The following TMEM74 variants were observed in gnomAD, a reference collection of about 807,000 sequenced individuals.
The protein encoded by TMEM74 is transmembrane protein 74.
Under a neutral mutation model 18.1 loss-of-function variants are expected in TMEM74, and 13 were observed. The ratio of observed to expected loss-of-function variants is 0.72; its 90% confidence interval spans 0.47 to 1.14. TMEM74 has a LOEUF of 1.14. Among genes scored for constraint, TMEM74 ranks in the 50% most tolerant of loss-of-function variants. The pLI, the probability that TMEM74 is intolerant of heterozygous loss-of-function variation, is 0.00. For synonymous variants in TMEM74, 159 were observed against 146.6 expected (o/e 1.08, Z -0.61); for missense variants, 372 against 375.9 (o/e 0.99, Z 0.09).
At chr8:108,756,837 T>A (rs1813981225) in intron 1 of TMEM74, among the ~76,000 whole-genome samples, 1 of 150,234 alleles carries the variant, frequency 6.7e-6, no homozygotes, top group South Asian at 2.1e-4. Context: ...AGGAAATGTA[T>A]CCTTATAAGG....
intron 1 of TMEM74, among the ~76,000 whole-genome samples, chr8:108,760,776 C>A (rs1350424048): frequency 6.6e-6 from 1 of 151,980 alleles, no homozygotes; most frequent in Admixed American, 6.6e-5. Context: ...ACACCATGAT[C>A]TATAGTGAAC....
rs910061127 is a variant in TMEM74, at chr8:108,779,760, T to C, written c.*4421A>G. On this transcript the variant is annotated 3_prime_UTR_variant, in exon 2 of 2. Transcript: ENST00000297459. Reference sequence around the variant, plus strand: ...CTATAAAATATAGTCCAAATGCACATAGACTTGAGTGCACATAAATCTGCA... The same window carrying C: ...CTATAAAATATAGTCCAAATGCACACAGACTTGAGTGCACATAAATCTGCA... Among the ~76,000 whole-genome samples, 3 of 152,200 alleles carry C rather than the reference T, an allele frequency of 2.0e-5. No homozygotes were observed. The highest frequency in any genetic ancestry group is 2.9e-5 in the Non-Finnish European group (2 of 68,028).
At chr8:108,635,911 A>G (rs748871037) in intron 2 of TMEM74, among the ~76,000 whole-genome samples, 1 of 152,112 alleles carries the variant, frequency 6.6e-6, no homozygotes, top group Non-Finnish European at 1.5e-5. Context: ...TCAAATGGAC[A>G]GAGTGGCTAA....
In TMEM74 at chr8:108,709,602, C is replaced by T. The variant is rs571881271; in HGVS notation, n.120-54165G>A. Among the ~76,000 whole-genome samples, 3 of 152,206 alleles carry T rather than the reference C, an allele frequency of 2.0e-5. No individual in the cohort carries two copies. In the South Asian group the frequency reaches 6.2e-4, roughly 32 times the overall value. ...TAGGTGAATAAGCTCTAGGCGTCTG[C>T]TGTACAGAGTAGTGCCTATAGTTAA... On this transcript the variant is annotated intron_variant and non_coding_transcript_variant, in intron 1 of 3. Transcript: ENST00000518838.
intron 1 of TMEM74, among the ~76,000 whole-genome samples, chr8:108,709,643 C>T (rs1456543460): frequency 2.0e-5 from 3 of 152,020 alleles, no homozygotes; most frequent in Non-Finnish European, 2.9e-5. Context: ...CAGTATTGCA[C>T]ACTTCAAAAT....
chr8:108,621,423 A>G (rs1563734030), intron 2 of TMEM74, among the ~76,000 whole-genome samples: 1 of 152,148 alleles, frequency 6.6e-6, no homozygotes, highest in Non-Finnish European at 1.5e-5. Context: ...TCCTTCTTCC[A>G]GGTCCCCCTC....
At position 108,694,569 on chromosome 8, in the gene TMEM74, C is replaced by T. The variant is rs138549857; in HGVS notation, n.120-39132G>A. Reference sequence around the variant, plus strand: ...AACTTTTGTGAATGTAGGAGCTGCACCTTATTCATCTGTCTCCTCAGCTCT... The same window carrying T: ...AACTTTTGTGAATGTAGGAGCTGCATCTTATTCATCTGTCTCCTCAGCTCT... On this transcript the variant is annotated intron_variant and non_coding_transcript_variant, in intron 1 of 3. Coordinates refer to the TMEM74 transcript ENST00000518838. Among the ~76,000 whole-genome samples, 564 of 152,258 alleles carry T rather than the reference C, an allele frequency of 3.7e-3. 4 individuals carry two copies. The highest frequency in any genetic ancestry group is 6.2e-3 in the Non-Finnish European group (419 of 68,026).
chr8:108,672,401 A>G (rs891996568), intron 1 of TMEM74, among the ~76,000 whole-genome samples: 5 of 152,184 alleles, frequency 3.3e-5, no homozygotes, highest in African/African-American at 1.2e-4. Flanking sequence ...TTTTGATTTC[A>G]TGTAGATGAA....
chr8:108,760,754 C>T (rs761013057), intron 1 of TMEM74, among the ~76,000 whole-genome samples: 2 of 152,068 alleles, frequency 1.3e-5, no homozygotes, highest in Non-Finnish European at 2.9e-5. Context: ...GAGGGTACAG[C>T]GATGTAACCC....
chr8:108,742,683 T>C (rs1373541519), intron 1 of TMEM74, among the ~76,000 whole-genome samples: 2 of 152,226 alleles, frequency 1.3e-5, no homozygotes, highest in Non-Finnish European at 2.9e-5. Context: ...TAGTAGAAAG[T>C]GTTCTGGATT....
chr8:108,616,835 C>G (rs1017217997), intron 2 of TMEM74, among the ~76,000 whole-genome samples: 2 of 151,840 alleles, frequency 1.3e-5, no homozygotes, highest in Non-Finnish European at 2.9e-5. Context: ...TGGTATTGTT[C>G]TTGTAAAATT....
At chr8:108,768,535 A>G (rs1219127238) in intron 1 of TMEM74, among the ~76,000 whole-genome samples, 1 of 152,150 alleles carries the variant, frequency 6.6e-6, no homozygotes, top group Non-Finnish European at 1.5e-5. Flanking sequence ...CATGACATAC[A>G]TAGGTGTTGT....
intron 1 of TMEM74, among the ~76,000 whole-genome samples, chr8:108,711,410 A>C (rs571504673): frequency 1.8e-4 from 28 of 152,268 alleles, no homozygotes; most frequent in African/African-American, 5.5e-4. Context: ...TTATAGCCCT[A>C]CTTCATCCCT....
intron 1 of TMEM74, among the ~76,000 whole-genome samples, chr8:108,665,396 G>A (rs1192644186): frequency 6.6e-6 from 1 of 152,050 alleles, no homozygotes; most frequent in African/African-American, 2.4e-5. Context: ...AGAGAAATGG[G>A]CATCAGGGAG....
At chr8:108,785,546 G>C (rs906885122) in intron 1 of TMEM74, among the ~76,000 whole-genome samples, 9 of 152,214 alleles carry the variant, frequency 5.9e-5, no homozygotes, top group Admixed American at 1.3e-4. Flanking sequence ...CCGATTTTCT[G>C]GAGGACTTGG....
intron 1 of TMEM74, among the ~76,000 whole-genome samples, chr8:108,685,420 T>G (rs1444312445): frequency 6.6e-6 from 1 of 152,170 alleles, no homozygotes; most frequent in East Asian, 1.9e-4. Context: ...CTAATTTGGA[T>G]GCCCTTTATT....
rs183644362 is a variant in TMEM74, at chr8:108,646,782, T to G, written n.264+8511A>C. On this transcript the variant is annotated intron_variant and non_coding_transcript_variant, in intron 2 of 3. Transcript: ENST00000518838. ...CTTCAATGCTGTCTTTATATATTTT[T>G]GTCCTTCATAACTCAGGTTATAAAA... is the stretch of plus-strand genomic sequence containing the variant. Among the ~76,000 whole-genome samples, 1,492 of 152,176 alleles carry G rather than the reference T, an allele frequency of 9.8e-3. 10 individuals are homozygous for G. The highest frequency in any genetic ancestry group is 0.017 in the Non-Finnish European group (1,159 of 68,022).
At chr8:108,644,361 A>G (rs1328845841) in intron 2 of TMEM74, among the ~76,000 whole-genome samples, 1 of 152,166 alleles carries the variant, frequency 6.6e-6, no homozygotes, top group Non-Finnish European at 1.5e-5. Context: ...CTCAAGATGG[A>G]TTAAATATTT....
At chr8:108,647,719 G>A (rs73306182) in intron 2 of TMEM74, among the ~76,000 whole-genome samples, 3,410 of 152,142 alleles carry the variant, frequency 0.022, 120 homozygotes, top group African/African-American at 0.078. Context: ...CACAGAGAAA[G>A]TGTGAAAAAC....
Sources: allele counts gnomAD v4.1 joint callset (sites outside exome capture counted in the v4.1 genomes callset), GRCh38; gene constraint gnomAD v4.1.1; transcripts MANE v1.5; gene names NCBI Gene and HGNC (gene_info 2026-07-23, HGNC 2026-07-21).